Variants in ADGRL3 observed in about 807,000 individuals in gnomAD.
ADGRL3 encodes adhesion G protein-coupled receptor L3, also known as calcium-independent alpha-latrotoxin receptor 3.
A neutral mutation model predicts 153.5 loss-of-function variants in ADGRL3; 62 were observed. That is an observed-to-expected ratio of 0.40 (90% CI 0.33 to 0.50). ADGRL3 has a LOEUF of 0.50. ADGRL3 is among the 20% of genes least tolerant of loss of function. The probability of loss-of-function intolerance (pLI) is 0.47; values close to 1 mark genes in which losing one functional copy is unlikely to be tolerated. For synonymous variants in ADGRL3, 710 were observed against 672.5 expected, an observed-to-expected ratio of 1.06 and a Z score of -0.86; for missense variants, 1,641 against 1,859.4, an observed-to-expected ratio of 0.88 and a Z score of 2.16.
chr4:61,567,760 T>C (rs1470565999), intron 4 of ADGRL3, among the ~76,000 whole-genome samples: 1 of 152,162 alleles, frequency 6.6e-6, no homozygotes. Flanking sequence ...AGTACATACA[T>C]AAGTAGGGAA....
intron 8 of ADGRL3, among the ~76,000 whole-genome samples, chr4:61,759,167 G>A (rs1322847490): frequency 2.6e-5 from 4 of 151,968 alleles, no homozygotes; most frequent in Non-Finnish European, 5.9e-5. Flanking sequence ...TGCTCTTCTC[G>A]AGGAGTATCT....
intron 1 of ADGRL3, among the ~76,000 whole-genome samples, chr4:61,297,346 T>G (rs2094442330): frequency 6.6e-6 from 1 of 152,154 alleles, no homozygotes; most frequent in Non-Finnish European, 1.5e-5. Flanking sequence ...ATCAGTTTAT[T>G]AGTTTGCATG....
chr4:61,393,821 A>T (rs1435960084), intron 2 of ADGRL3, among the ~76,000 whole-genome samples: 1 of 152,174 alleles, frequency 6.6e-6, no homozygotes, highest in Non-Finnish European at 1.5e-5. Flanking sequence ...ACTTTAAAAT[A>T]AATCATTTAT....
At chr4:61,370,756 C>T (rs1181380495) in intron 1 of ADGRL3, among the ~76,000 whole-genome samples, 16 of 152,114 alleles carry the variant, frequency 1.1e-4, no homozygotes, top group African/African-American at 1.2e-4. Flanking sequence ...CCGCTTGGTG[C>T]AGAGCTGAGT....
Position 62,070,434 on chromosome 4 carries a change from C to G in ADGRL3, c.4158C>G (p.His1386Gln), listed in dbSNP as rs773716330. 7.1e-6 allele frequency: 11 copies of G among 1,551,746 alleles called. No individual in the cohort carries two copies. The highest frequency in any genetic ancestry group is 5.9e-5 in the Admixed American group (3 of 50,918). ...IVLDDATSFN[H>Q]EESLGLELIH... ...TGGATGATGCCACCTCGTTTAACCA[C>G]GAGGAGAGTTTGGGCCTGGAACTCA... Residue 1386 changes from histidine to glutamine, a missense_variant, in exon 27 of 27, where the codon CAC becomes CAG. His to Gln is a conservative substitution (Grantham distance 24, BLOSUM62 0). Coordinates refer to ENST00000683033, the MANE Select transcript of ADGRL3 (RefSeq NM_001387552.1).
At chr4:61,696,043 T>A (rs529804303) in intron 6 of ADGRL3, among the ~76,000 whole-genome samples, 1 of 152,320 alleles carries the variant, frequency 6.6e-6, no homozygotes, top group South Asian at 2.1e-4. Flanking sequence ...TACAGTTCAT[T>A]TGATCTTTTA....
chr4:61,914,112 A>T (rs938163175), intron 13 of ADGRL3, among the ~76,000 whole-genome samples: 3 of 152,140 alleles, frequency 2.0e-5, no homozygotes, highest in Non-Finnish European at 4.4e-5. Flanking sequence ...GCAGTTGAGT[A>T]GATTCAGCTT....
At chr4:61,522,296 T>C (rs985034422) in intron 4 of ADGRL3, among the ~76,000 whole-genome samples, 3 of 152,146 alleles carry the variant, frequency 2.0e-5, no homozygotes, top group African/African-American at 7.2e-5. Context: ...GTAATCTCCC[T>C]GTGTCTTTTG....
At chr4:61,207,912 C>T (rs547908807) in intron 1 of ADGRL3, among the ~76,000 whole-genome samples, 46 of 152,262 alleles carry the variant, frequency 3.0e-4, no homozygotes, top group African/African-American at 1.1e-3. Flanking sequence ...CATCCAGCCA[C>T]ATAAAGAGCC....
chr4:61,562,368 G>A (rs1014600066), intron 4 of ADGRL3, among the ~76,000 whole-genome samples: 1 of 152,040 alleles, frequency 6.6e-6, no homozygotes, highest in Admixed American at 6.5e-5. Context: ...TTTGTTATAT[G>A]GATTGACTCT....
At chr4:61,532,551 C>CGTGTGTGTGTGT (rs10652642) in intron 4 of ADGRL3, among the ~76,000 whole-genome samples, 7 of 130,254 alleles carry the variant, frequency 5.4e-5, no homozygotes, top group East Asian at 2.5e-4. Flanking sequence ...CGCGCGCGCG[C>CGTGTGTGTGTGT]GCGCGTGTGT....
intron 5 of ADGRL3, among the ~76,000 whole-genome samples, chr4:61,608,132 G>T (rs896505849): frequency 3.9e-5 from 6 of 152,228 alleles, no homozygotes; most frequent in African/African-American, 1.2e-4. Flanking sequence ...ATAAACATCT[G>T]TAAGGCCCAT....
At chr4:61,332,959 A>T (rs1294933235) in intron 1 of ADGRL3, among the ~76,000 whole-genome samples, 1 of 152,182 alleles carries the variant, frequency 6.6e-6, no homozygotes, top group Non-Finnish European at 1.5e-5. Context: ...CCCTTGTGAT[A>T]AATAGTATAC....
intron 1 of ADGRL3, among the ~76,000 whole-genome samples, chr4:61,310,736 T>TG (rs2094967512): frequency 6.6e-6 from 1 of 151,790 alleles, no homozygotes; most frequent in Non-Finnish European, 1.5e-5. Context: ...AGATCAGTTT[T>TG]TTTTTTTTTT....
chr4:61,206,490 A>C (rs926320625), intron 1 of ADGRL3, among the ~76,000 whole-genome samples: 2 of 152,184 alleles, frequency 1.3e-5, no homozygotes, highest in African/African-American at 4.8e-5. Flanking sequence ...ACCTTTTTAT[A>C]ATAATGCTAA....
At chr4:61,660,680 A>G (rs1360790896) in intron 5 of ADGRL3, among the ~76,000 whole-genome samples, 2 of 152,120 alleles carry the variant, frequency 1.3e-5, no homozygotes, top group South Asian at 2.1e-4. Context: ...AAAGATTACC[A>G]TGCATTAATA....
intron 8 of ADGRL3, among the ~76,000 whole-genome samples, chr4:61,785,208 A>C (rs576210130): frequency 6.0e-4 from 91 of 152,330 alleles, no homozygotes; most frequent in Non-Finnish European, 1.0e-3. Flanking sequence ...GAAAGTATTC[A>C]TGCTTCATTC....
At chr4:61,367,450 A>G (rs1475100152) in intron 1 of ADGRL3, among the ~76,000 whole-genome samples, 1 of 148,128 alleles carries the variant, frequency 6.8e-6, no homozygotes, top group African/African-American at 2.5e-5. Flanking sequence ...ATGTGTTCTC[A>G]TTGTTCAATT....
intron 4 of ADGRL3, among the ~76,000 whole-genome samples, chr4:61,548,217 C>T (rs555107057): frequency 4.6e-5 from 7 of 151,964 alleles, no homozygotes; most frequent in African/African-American, 1.7e-4. Flanking sequence ...TGTTTTTTCT[C>T]CATTTGTAGG....
Sources: gnomAD v4.1 joint callset for allele counts (sites outside exome capture counted in the v4.1 genomes callset) on GRCh38, gnomAD v4.1.1 for gene constraint, MANE v1.5 for transcripts, NCBI Gene and HGNC (gene_info 2026-07-23, HGNC 2026-07-21) for gene names.